Variants in EZH1 observed in about 807,000 individuals in gnomAD.
The protein encoded by EZH1 is enhancer of zeste 1 polycomb repressive complex 2 subunit, also known as histone-lysine N-methyltransferase EZH1.
In EZH1, 33 loss-of-function variants were observed where a neutral mutation model predicts 100.5. That is an observed-to-expected ratio of 0.33 (90% confidence interval 0.25 to 0.44). The LOEUF is 0.44. Among genes scored for constraint, EZH1 ranks in the 20% least tolerant of loss-of-function variants. The pLI is 1.00. For synonymous variants in EZH1, 272 were observed against 313.8 expected, an observed-to-expected ratio of 0.87 and a Z score of 1.41; for missense variants, 475 against 928.4, an observed-to-expected ratio of 0.51 and a Z score of 6.35.
At chr17:42,742,871 CTTTT>C (rs200989200) in intron 1 of EZH1, among the ~76,000 whole-genome samples, 1 of 149,440 alleles carries the variant, frequency 6.7e-6, no homozygotes, top group Non-Finnish European at 1.5e-5. Context: ...TTCTCTCTCC[CTTTT>C]TTTTTTCTTT....
Position 42,718,175 on chromosome 17 carries a change from C to T in EZH1, c.932-108G>A, listed in dbSNP as rs1314079721. The T allele has an allele frequency of 2.8e-5, 29 of 1,035,682 alleles. No individual in the cohort carries two copies. Among genetic ancestry groups the T allele is most frequent in the African/African-American group, 1.4e-4 (9 of 63,160 alleles). 64.2% of individuals were successfully genotyped at this position (1,035,682 alleles called of 1,614,324 possible). On this transcript the variant is annotated intron_variant, in intron 9 of 20. Coordinates refer to ENST00000428826, the MANE Select transcript of EZH1 (RefSeq NM_001991.5). The surrounding 1 kb of genome is among the most constrained non-coding windows in gnomAD (Gnocchi z 4.2). ...TGTAGGAGTTAGAATTCGATATAAA[C>T]GGCTACCATCAGGGTGCACAAAATT...
At position 42,718,498 on chromosome 17, in the gene EZH1, G is replaced by A; in HGVS notation, c.887C>T (p.Thr296Ile). Reference sequence around the variant, plus strand: ...TTTAAAGCAGCGCCGGCAAAAAAGTGTGTGGAAGGAGTGCAGAGATTGCTC... The same window carrying A: ...TTTAAAGCAGCGCCGGCAAAAAAGTATGTGGAAGGAGTGCAGAGATTGCTC... ...QREQSLHSFH[T>I]LFCRRCFKYD... The change falls in exon 9 of 21, where the codon ACA becomes ATA. Residue 296 changes from threonine (T) to isoleucine (I), a missense_variant. Thr to Ile is a moderately conservative substitution (Grantham distance 89). Transcript: ENST00000428826. The surrounding 1 kb of genome is among the most constrained non-coding windows in gnomAD (Gnocchi z 4.2). 6.2e-7 allele frequency: 1 copy of A among 1,614,208 alleles called. No homozygotes were observed. The highest frequency in any genetic ancestry group is 8.5e-7 in the Non-Finnish European group (1 of 1,180,040).
intron 5 of EZH1, among the ~76,000 whole-genome samples, 199 bp from the exon 6 acceptor site, chr17:42,723,114 C>T (rs542631089): frequency 3.3e-5 from 5 of 152,256 alleles, no homozygotes; most frequent in South Asian, 2.1e-4. Flanking sequence ...TGGTGGCTCA[C>T]GCCTGCAATC....
rs1597827181 is a variant in EZH1, at chr17:42,708,864, G to A, written c.1534+12C>T. 1.2e-6 allele frequency: 2 copies of A among 1,614,014 alleles called. No individual in the cohort carries two copies. The highest frequency in any genetic ancestry group is 1.3e-5 in the African/African-American group (1 of 75,020). On this transcript the variant is annotated intron_variant, in intron 14 of 20. Coordinates refer to ENST00000428826, the MANE Select transcript of EZH1 (RefSeq NM_001991.5). ...CAGCTGAACTGCTGAAGAATGCCCT[G>A]GTAGAACTTACCTTTCTTCAGCTGA...
intron 16 of EZH1, 107 bp from the exon 17 acceptor site, chr17:42,705,290 T>C (rs997446879): frequency 1.4e-5 from 9 of 630,700 alleles, no homozygotes; most frequent in Non-Finnish European, 2.6e-5. Flanking sequence ...AACCAGCAAC[T>C]GTTAAGAGGA....
At chr17:42,731,542 A>G (rs1037745989) in intron 1 of EZH1, among the ~76,000 whole-genome samples, 16 of 152,220 alleles carry the variant, frequency 1.1e-4, no homozygotes, top group African/African-American at 3.6e-4. Context: ...CTTTTACTCT[A>G]TAATAACTAC....
chr17:42,736,045 T>C (rs1250979796), intron 1 of EZH1, among the ~76,000 whole-genome samples: 1 of 151,316 alleles, frequency 6.6e-6, no homozygotes, highest in East Asian at 1.9e-4. Flanking sequence ...GAATGGCAAA[T>C]GAGCACACAA....
intron 12 of EZH1, 45 bp downstream of exon 12, chr17:42,712,244 G>C (rs1316554888): frequency 6.3e-7 from 1 of 1,585,868 alleles, no homozygotes; most frequent in South Asian, 1.1e-5. Flanking sequence ...ACAGAGCAAT[G>C]CGTGAAAGGA....
chr17:42,736,483 C>G lies in EZH1; in HGVS notation c.-102-5565G>C, dbSNP rs117976074. 9.5e-3 allele frequency among the ~76,000 whole-genome samples: 1,451 copies of G among 152,220 alleles called. 7 individuals are homozygous for G. The highest frequency in any genetic ancestry group is 0.034 in the Middle Eastern group (10 of 294). ...TATACACACACAATGGAATACTATT[C>G]AGCAACAAAAAGCCATGAATAGTTT... On this transcript the variant is annotated intron_variant, in intron 1 of 20. Transcript: ENST00000428826.
intron 1 of EZH1, among the ~76,000 whole-genome samples, chr17:42,739,412 A>G (rs937376348): frequency 6.6e-6 from 1 of 152,220 alleles, no homozygotes; most frequent in Admixed American, 6.5e-5. Flanking sequence ...TTATAACATT[A>G]GTATTTCCTA....
At position 42,701,392 on chromosome 17, in the gene EZH1, C is replaced by A. The variant is rs2053237154; in HGVS notation, c.*1140G>T. On this transcript the variant is annotated 3_prime_UTR_variant, in exon 21 of 21. Coordinates refer to ENST00000428826, the MANE Select transcript of EZH1 (RefSeq NM_001991.5). ...CCTGCTTCTTCTCCCACTTCAGATACCCTCTGCCAGTGTGCCCTGCACACG... is the reference window on the plus strand; with the variant it reads ...CCTGCTTCTTCTCCCACTTCAGATAACCTCTGCCAGTGTGCCCTGCACACG... 6.5e-6 allele frequency: 1 copy of A among 152,900 alleles called. No homozygotes were observed. Among genetic ancestry groups the A allele is most frequent in the Non-Finnish European group, 1.5e-5 (1 of 68,116 alleles). The allele number at this position is 152,900 out of a possible 1,614,324, so 9.5% of individuals were successfully genotyped here. A position where few individuals can be genotyped will look rare whatever the true frequency, so the allele number is the denominator to read the frequency against.
In EZH1 at chr17:42,712,339, T is replaced by C. The variant is rs1420314373; in HGVS notation, c.1351A>G (p.Asn451Asp). 3 of 1,614,084 alleles carry C rather than the reference T, an allele frequency of 1.9e-6. No individual in the cohort carries two copies. The highest frequency in any genetic ancestry group is 2.5e-6 in the Non-Finnish European group (3 of 1,180,026). The change falls in exon 12 of 21, where the codon AAC becomes GAC. Residue 451 changes from asparagine to aspartate, a missense_variant. Coordinates refer to ENST00000428826, the MANE Select transcript of EZH1 (RefSeq NM_001991.5). ...LFRVFHGTYFNNFCSIARLLG... is the reference protein window; with the variant it reads ...LFRVFHGTYFDNFCSIARLLG... ...AGCCTGGCTATTGAACAGAAGTTGT[T>C]GAAGTAGGTGCCATGGAAGACTCGA...
chr17:42,732,190 A>C (rs145688841), intron 1 of EZH1, among the ~76,000 whole-genome samples: 89 of 152,204 alleles, frequency 5.8e-4, no homozygotes, highest in African/African-American at 2.1e-3. Flanking sequence ...GGCAATGTGC[A>C]GTGGCTCATG....
intron 5 of EZH1, 121 bp from the exon 6 acceptor site, chr17:42,723,036 C>A (rs906952047): frequency 1.0e-4 from 142 of 1,387,824 alleles, no homozygotes; most frequent in Non-Finnish European, 1.3e-4. Context: ...GCCTTTGTCC[C>A]AGAGTTTCCT....
At chr17:42,739,846 C>T (rs996447961) in intron 1 of EZH1, among the ~76,000 whole-genome samples, 4 of 151,134 alleles carry the variant, frequency 2.6e-5, no homozygotes, top group African/African-American at 4.9e-5. Flanking sequence ...TGCAGTGGCG[C>T]GATCTTGGCT....
intron 5 of EZH1, 39 bp downstream of exon 5, chr17:42,724,266 T>A: frequency 6.2e-7 from 1 of 1,610,298 alleles, no homozygotes; most frequent in African/African-American, 1.3e-5. Context: ...AACACAATCA[T>A]ACAGTTTAAA....
At position 42,728,818 on chromosome 17, in the gene EZH1, T is replaced by C. The variant is rs929256488; in HGVS notation, c.117+7A>G. On this transcript the variant is annotated splice_region_variant and intron_variant, in intron 3 of 20. Transcript: ENST00000428826. ...ATATAAACTTTCACTTGGGAATTAT[T>C]TTTTACCTTTGCACCCATATTTGCC... The C allele has an allele frequency of 4.3e-6, 7 of 1,611,886 alleles. No individual in the cohort carries two copies. The highest frequency in any genetic ancestry group is 5.9e-6 in the Non-Finnish European group (7 of 1,179,356).
intron 16 of EZH1, chr17:42,705,527 C>T (rs1307312659): frequency 5.0e-6 from 1 of 199,334 alleles, no homozygotes. Flanking sequence ...AACCACTTTT[C>T]TTTCTCTTTT....
intron 13 of EZH1, chr17:42,709,187 A>G: frequency 1.9e-6 from 1 of 520,150 alleles, no homozygotes. Flanking sequence ...AGAAAGCCCA[A>G]GCCTATTGGT....
Sources: gnomAD v4.1 joint callset for allele counts (sites outside exome capture counted in the v4.1 genomes callset) on GRCh38, gnomAD v4.1.1 for gene constraint, Gnocchi (gnomAD v3.1) non-coding constraint, MANE v1.5 for transcripts, NCBI Gene and HGNC (gene_info 2026-07-23, HGNC 2026-07-21) for gene names.